Variants in EBF1 observed in about 807,000 individuals in gnomAD.
EBF1 encodes the protein EBF transcription factor 1, also known as transcription factor COE1.
A neutral mutation model predicts 68.4 loss-of-function variants in EBF1; 10 were observed. The ratio of observed to expected loss-of-function variants is 0.15; its 90% confidence interval spans 0.09 to 0.25. The LOEUF (loss-of-function observed/expected upper bound fraction) is 0.25. EBF1 is among the 10% of genes least tolerant of loss of function. EBF1 has a pLI of 1.00. For synonymous variants in EBF1, 298 were observed against 299.8 expected, an observed-to-expected ratio of 0.99 and a Z score of 0.06; for missense variants, 509 against 794.4, an observed-to-expected ratio of 0.64 and a Z score of 4.32.
At chr5:158,914,618 G>A (rs571620411) in intron 6 of EBF1, among the ~76,000 whole-genome samples, 4 of 152,194 alleles carry the variant, frequency 2.6e-5, no homozygotes, top group African/African-American at 7.2e-5. Context: ...AGAAAAGGAG[G>A]GGGGGAAATG....
chr5:158,915,746 C>T (rs922020902), intron 6 of EBF1, among the ~76,000 whole-genome samples: 4 of 151,758 alleles, frequency 2.6e-5, no homozygotes, highest in Admixed American at 2.0e-4. Context: ...TGGTTGTTGT[C>T]GTTAATGAAG....
At chr5:158,906,306 A>G (rs1404830830) in intron 6 of EBF1, among the ~76,000 whole-genome samples, 2 of 141,002 alleles carry the variant, frequency 1.4e-5, no homozygotes, top group Non-Finnish European at 3.2e-5. Context: ...GCAATGCAGA[A>G]AAAAAAAAAA....
intron 6 of EBF1, among the ~76,000 whole-genome samples, chr5:158,886,364 T>C (rs765286010): frequency 1.1e-4 from 16 of 152,242 alleles, no homozygotes; most frequent in Non-Finnish European, 1.5e-4. Context: ...TTCCATGCTA[T>C]TTCTGAAGTA....
chr5:159,048,346 C>T (rs986847610), intron 6 of EBF1, among the ~76,000 whole-genome samples: 1 of 152,188 alleles, frequency 6.6e-6, no homozygotes, highest in African/African-American at 2.4e-5. Context: ...TCCCTGTGTC[C>T]CACCTCTGAC....
At chr5:159,058,744 C>A (rs986564571) in intron 6 of EBF1, among the ~76,000 whole-genome samples, 2 of 152,198 alleles carry the variant, frequency 1.3e-5, no homozygotes, top group Admixed American at 1.3e-4. Flanking sequence ...TAGTAATATT[C>A]AGCTGCAGCC....
At chr5:158,902,774 G>A (rs1446785103) in intron 6 of EBF1, among the ~76,000 whole-genome samples, 4 of 151,958 alleles carry the variant, frequency 2.6e-5, no homozygotes, top group Admixed American at 6.6e-5. Context: ...TTCTCGTATG[G>A]GGACAACAGA....
At chr5:158,793,750 C>T (rs553351346) in intron 9 of EBF1, among the ~76,000 whole-genome samples, 2 of 152,300 alleles carry the variant, frequency 1.3e-5, no homozygotes, top group African/African-American at 4.8e-5. Context: ...AGTGCCTACA[C>T]ATGATGAACC....
At chr5:158,920,215 C>T (rs1808109645) in intron 6 of EBF1, among the ~76,000 whole-genome samples, 1 of 151,948 alleles carries the variant, frequency 6.6e-6, no homozygotes, top group African/African-American at 2.4e-5. Context: ...ATCTTCTTAA[C>T]AATCCTATCA....
At chr5:158,716,683 G>C (rs1449356993) in intron 11 of EBF1, among the ~76,000 whole-genome samples, 1 of 152,198 alleles carries the variant, frequency 6.6e-6, no homozygotes, top group Non-Finnish European at 1.5e-5. Context: ...TTAGTGCAAT[G>C]GACCTGCAAA....
chr5:158,782,652 C>A (rs1017085787), intron 9 of EBF1, among the ~76,000 whole-genome samples: 1 of 151,964 alleles, frequency 6.6e-6, no homozygotes, highest in African/African-American at 2.4e-5. Context: ...CAGAGCAAGA[C>A]TGTCTCAGAA....
chr5:158,733,288 CA>C (rs1382838059), intron 10 of EBF1, among the ~76,000 whole-genome samples: 4 of 152,124 alleles, frequency 2.6e-5, no homozygotes, highest in African/African-American at 9.7e-5. Context: ...CATAATTCAG[CA>C]TCCTGAAAAT....
chr5:158,766,000 T>G (rs1772577457), intron 10 of EBF1, among the ~76,000 whole-genome samples: 1 of 152,214 alleles, frequency 6.6e-6, no homozygotes, highest in Admixed American at 6.5e-5. Flanking sequence ...ATTTGAGTAT[T>G]TTTAAAGCAA....
At chr5:158,700,511 TA>T (rs76186329) in intron 15 of EBF1, among the ~76,000 whole-genome samples, 2,284 of 131,494 alleles carry the variant, frequency 0.017, 43 homozygotes, top group African/African-American at 0.044. Flanking sequence ...AATGTGCCTT[TA>T]AAAAAAAAAA....
intron 10 of EBF1, among the ~76,000 whole-genome samples, chr5:158,754,956 C>T (rs1455821267): frequency 6.6e-6 from 1 of 152,058 alleles, no homozygotes; most frequent in African/African-American, 2.4e-5. Flanking sequence ...AATGAAAACA[C>T]CCTAAGTAAC....
At position 158,869,545 on chromosome 5, in the gene EBF1, C is replaced by CT. The variant is rs569644227; in HGVS notation, c.555-29436dup. 2.2e-3 allele frequency among the ~76,000 whole-genome samples: 335 copies of CT among 151,122 alleles called. 3 individuals carry two copies. Among genetic ancestry groups the CT allele is most frequent in the African/African-American group, 7.8e-3 (322 of 41,082 alleles). On this transcript the variant is annotated intron_variant, in intron 6 of 15. Transcript: ENST00000313708. ...TGTTTTCCTATATTAGTAGTGTTCT[C>CT]TTTTTTTTCCCTAATTGGCCCAGAT... is the stretch of plus-strand genomic sequence containing the variant.
At chr5:158,785,331 C>T (rs562914043) in intron 9 of EBF1, among the ~76,000 whole-genome samples, 88 of 152,218 alleles carry the variant, frequency 5.8e-4, no homozygotes, top group Non-Finnish European at 1.0e-3. Context: ...TTCAGGGTTG[C>T]TAAAGGAAGC....
intron 10 of EBF1, among the ~76,000 whole-genome samples, chr5:158,752,673 C>T (rs1208040922): frequency 6.6e-6 from 1 of 152,080 alleles, no homozygotes; most frequent in Non-Finnish European, 1.5e-5. Flanking sequence ...TTCAAAGCTC[C>T]TCTTCACACA....
At chr5:158,776,310 G>A (rs866874948) in intron 10 of EBF1, among the ~76,000 whole-genome samples, 1 of 140,412 alleles carries the variant, frequency 7.1e-6, no homozygotes, top group South Asian at 2.1e-4. Context: ...TTATAATTTC[G>A]AGAGAGAGAG....
chr5:159,099,446 A>G lies in EBF1; in HGVS notation c.33T>C (p.Ser11=). The change falls in exon 1 of 16, where the codon AGT becomes AGC. Residue 11 remains serine (S), a synonymous_variant. Coordinates refer to ENST00000313708, the MANE Select transcript of EBF1 (RefSeq NM_024007.5). MFGIQESIQR[S]GSSMKEEPLG... ...GCGGCTCTTCCTTCATGCTGCTTCC[A>G]CTCCGTTGGATGCTTTCCTGAATCC... is the stretch of plus-strand genomic sequence containing the variant. 1 of 1,595,302 alleles carries G rather than the reference A, an allele frequency of 6.3e-7. No individual in the cohort carries two copies. The highest frequency in any genetic ancestry group is 8.5e-7 in the Non-Finnish European group (1 of 1,172,168).
Sources: gnomAD v4.1 joint callset for allele counts (sites outside exome capture counted in the v4.1 genomes callset) on GRCh38, gnomAD v4.1.1 for gene constraint, MANE v1.5 for transcripts, NCBI Gene and HGNC (gene_info 2026-07-23, HGNC 2026-07-21) for gene names.